The following ATXN1 variants were observed in gnomAD, a reference collection of about 807,000 sequenced individuals.
ATXN1 encodes the protein ataxin-1.
A neutral mutation model predicts 56.4 loss-of-function variants in ATXN1; 8 were observed. The observed-to-expected ratio is 0.14, with a 90% CI of 0.08 to 0.26. The LOEUF is 0.26. Ranked by LOEUF, ATXN1 falls within the 10% of genes least tolerant of loss-of-function variation. The pLI is 1.00. For missense variants in ATXN1, 987 were observed against 1,106.5 expected (o/e 0.89, Z 1.53); for synonymous variants, 514 against 494.6 (o/e 1.04, Z -0.52).
At chr6:16,730,623 C>G (rs1759954314) in intron 2 of ATXN1, among the ~76,000 whole-genome samples, 1 of 151,720 alleles carries the variant, frequency 6.6e-6, no homozygotes, top group Non-Finnish European at 1.5e-5. Context: ...TCCTTAGGAA[C>G]CATGTGTACC....
chr6:16,424,017 T>G (rs1487073455), intron 6 of ATXN1, among the ~76,000 whole-genome samples: 1 of 152,200 alleles, frequency 6.6e-6, no homozygotes, highest in African/African-American at 2.4e-5. Flanking sequence ...TTTTAACCCC[T>G]TGGAGCACTT....
chr6:16,388,296 T>C (rs558893900), intron 6 of ATXN1, among the ~76,000 whole-genome samples: 1 of 152,354 alleles, frequency 6.6e-6, no homozygotes, highest in African/African-American at 2.4e-5. Context: ...TCTATCTCAC[T>C]GCCTTCTTGA....
chr6:16,612,000 C>T (rs1763117172), intron 3 of ATXN1, among the ~76,000 whole-genome samples: 1 of 151,598 alleles, frequency 6.6e-6, no homozygotes, highest in Non-Finnish European at 1.5e-5. Flanking sequence ...GCTGGGACTA[C>T]AGGTGCCCGC....
Position 16,328,237 on chromosome 6 carries a change from G to A in ATXN1, c.74C>T (p.Ser25Phe). 6.4e-7 allele frequency: 1 copy of A among 1,566,818 alleles called. No homozygotes were observed. Among genetic ancestry groups the A allele is most frequent in the Non-Finnish European group, 8.7e-7 (1 of 1,154,936 alleles). ...KKREIPATSR[S>F]SEEKAPTLPS... The stretch of plus-strand genomic sequence containing the variant: ...CAGGGTAGGGGCCTTCTCCTCGGAG[G>A]ACCGGCTGGTGGCGGGGATCTCGCG... The change falls in exon 7 of 8, where the codon TCC becomes TTC. Residue 25 changes from serine to phenylalanine, a missense_variant. Transcript: ENST00000436367. This position sits in a 1 kb window ranked among gnomAD's most constrained non-coding sequence, Gnocchi z 6.2.
intron 4 of ATXN1, among the ~76,000 whole-genome samples, chr6:16,559,426 T>C (rs770578450): frequency 6.0e-5 from 9 of 150,260 alleles, no homozygotes; most frequent in African/African-American, 9.8e-5. Flanking sequence ...GGCAAAATCA[T>C]ACAATCGAAT....
chr6:16,605,243 G>A (rs1173349420), intron 3 of ATXN1, among the ~76,000 whole-genome samples: 2 of 152,186 alleles, frequency 1.3e-5, no homozygotes, highest in Middle Eastern at 3.2e-3. Flanking sequence ...TCCTTTATAT[G>A]TTCAGGCTCC....
intron 6 of ATXN1, among the ~76,000 whole-genome samples, chr6:16,364,315 T>C (rs1390501491): frequency 3.9e-5 from 6 of 152,110 alleles, no homozygotes; most frequent in Non-Finnish European, 7.4e-5. Flanking sequence ...TCTAGATTTT[T>C]TTTTTTTGGA....
chr6:16,648,339 A>G (rs1250086287), intron 3 of ATXN1, among the ~76,000 whole-genome samples: 1 of 152,128 alleles, frequency 6.6e-6, no homozygotes, highest in Non-Finnish European at 1.5e-5. Flanking sequence ...ATTGAGAGGC[A>G]CCTTAGGTTG....
chr6:16,567,437 A>T (rs904134960), intron 4 of ATXN1, among the ~76,000 whole-genome samples: 3 of 152,220 alleles, frequency 2.0e-5, no homozygotes, highest in Non-Finnish European at 1.5e-5. Flanking sequence ...AAGTCAGAAT[A>T]ACTTGCGCTT....
intron 6 of ATXN1, among the ~76,000 whole-genome samples, chr6:16,446,279 G>A (rs146054039): frequency 0.024 from 3,633 of 152,258 alleles, 49 homozygotes; most frequent in Middle Eastern, 0.048. Context: ...GGCCAGTGAT[G>A]ATGAGCATTT....
chr6:16,626,564 G>A (rs897865449), intron 3 of ATXN1, among the ~76,000 whole-genome samples: 1 of 152,102 alleles, frequency 6.6e-6, no homozygotes, highest in African/African-American at 2.4e-5. Context: ...CCAAAGTACT[G>A]AGATTACAGG....
At chr6:16,456,211 G>A (rs918580173) in intron 6 of ATXN1, among the ~76,000 whole-genome samples, 9 of 152,130 alleles carry the variant, frequency 5.9e-5, no homozygotes, top group East Asian at 3.8e-4. Context: ...TGAAGTCAGC[G>A]AGACCATGAA....
At chr6:16,650,681 G>A (rs1174421018) in intron 3 of ATXN1, among the ~76,000 whole-genome samples, 1 of 152,204 alleles carries the variant, frequency 6.6e-6, no homozygotes, top group Non-Finnish European at 1.5e-5. Flanking sequence ...GTGTAAACAG[G>A]CTGTAACCTA....
At chr6:16,580,505 G>A (rs993891691) in intron 4 of ATXN1, among the ~76,000 whole-genome samples, 1 of 152,136 alleles carries the variant, frequency 6.6e-6, no homozygotes, top group Non-Finnish European at 1.5e-5. Context: ...GTCTGCTTTA[G>A]GGTAGCAATA....
intron 4 of ATXN1, among the ~76,000 whole-genome samples, chr6:16,569,528 GAAAAAA>G (rs60416047): frequency 3.1e-5 from 3 of 96,404 alleles, no homozygotes; most frequent in African/African-American, 1.3e-4. Context: ...CTCCGTCTCA[GAAAAAA>G]AAAAAAAAAA....
At chr6:16,352,191 T>C (rs1212489011) in intron 6 of ATXN1, among the ~76,000 whole-genome samples, 4 of 152,188 alleles carry the variant, frequency 2.6e-5, no homozygotes, top group Non-Finnish European at 2.9e-5. Flanking sequence ...GGTGGGATGA[T>C]GAAAAGCAGC....
chr6:16,318,593 G>T (rs1760569204), intron 7 of ATXN1, among the ~76,000 whole-genome samples: 1 of 152,208 alleles, frequency 6.6e-6, no homozygotes, highest in East Asian at 1.9e-4. Context: ...TTGGCTGAGT[G>T]TAAGAATCTC....
intron 3 of ATXN1, among the ~76,000 whole-genome samples, chr6:16,656,571 T>C (rs1758206400): frequency 1.3e-5 from 2 of 152,216 alleles, no homozygotes; most frequent in South Asian, 2.1e-4. Context: ...ATTTATAGTT[T>C]AGAGTGTTTG....
chr6:16,525,769 C>T (rs1381361937), intron 4 of ATXN1, among the ~76,000 whole-genome samples: 1 of 151,162 alleles, frequency 6.6e-6, no homozygotes, highest in Non-Finnish European at 1.5e-5. Context: ...ATCTCATGTA[C>T]CCCATACATA....
Sources: allele counts gnomAD v4.1 joint callset (sites outside exome capture counted in the v4.1 genomes callset), GRCh38; gene constraint gnomAD v4.1.1; non-coding constraint Gnocchi (gnomAD v3.1); transcripts MANE v1.5; gene names NCBI Gene and HGNC (gene_info 2026-07-23, HGNC 2026-07-21).